LHFPL2: variants seen among roughly 807,000 people sequenced by gnomAD.
The protein encoded by LHFPL2 is LHFPL tetraspan subfamily member 2, also known as LHFPL tetraspan subfamily member 2 protein.
Under a neutral mutation model 17.5 loss-of-function variants are expected in LHFPL2, and 7 were observed. The ratio of observed to expected loss-of-function variants is 0.40; its 90% CI spans 0.23 to 0.75. The LOEUF (loss-of-function observed/expected upper bound fraction) is 0.75. Ranked by LOEUF, LHFPL2 falls within the 30% of genes least tolerant of loss-of-function variation. The probability of loss-of-function intolerance (pLI) is 0.37; values close to 1 mark genes in which losing one functional copy is unlikely to be tolerated. For missense variants in LHFPL2, 241 were observed against 294.8 expected, an observed-to-expected ratio of 0.82 and a Z score of 1.34; for synonymous variants, 134 against 116.2, an observed-to-expected ratio of 1.15 and a Z score of -0.99.
At chr5:78,607,805 G>A (rs537610342) in intron 2 of LHFPL2, among the ~76,000 whole-genome samples, 21 of 152,282 alleles carry the variant, frequency 1.4e-4, no homozygotes, top group African/African-American at 2.9e-4. Flanking sequence ...CCCCTAAGCC[G>A]AAGGTACCTA....
At chr5:78,613,879 A>G (rs569745799) in intron 2 of LHFPL2, among the ~76,000 whole-genome samples, 1 of 152,180 alleles carries the variant, frequency 6.6e-6, no homozygotes, top group Non-Finnish European at 1.5e-5. Flanking sequence ...GGGGGTTAAT[A>G]TCTCCAACAA....
chr5:78,642,449 T>A (rs569059484), intron 1 of LHFPL2, among the ~76,000 whole-genome samples: 20 of 152,140 alleles, frequency 1.3e-4, no homozygotes, highest in African/African-American at 4.3e-4. Context: ...CAAAATAACA[T>A]CAGTACAAGC....
At chr5:78,617,025 CTT>C (rs564354550) in intron 2 of LHFPL2, among the ~76,000 whole-genome samples, 1 of 149,200 alleles carries the variant, frequency 6.7e-6, no homozygotes, top group Non-Finnish European at 1.5e-5. Flanking sequence ...TAGAGTTTCT[CTT>C]TTTTTTTTCT....
chr5:78,489,479 C>T (rs1461377840), intron 4 of LHFPL2, among the ~76,000 whole-genome samples: 1 of 152,158 alleles, frequency 6.6e-6, no homozygotes, highest in East Asian at 1.9e-4. Flanking sequence ...AGTTGTAGCT[C>T]ACTGCACTTG....
At chr5:78,600,393 C>T (rs1011396407) in intron 2 of LHFPL2, among the ~76,000 whole-genome samples, 1 of 151,912 alleles carries the variant, frequency 6.6e-6, no homozygotes, top group African/African-American at 2.4e-5. Flanking sequence ...GCTCAAAAGA[C>T]AATTCCTCCA....
rs761350562 is a variant in LHFPL2 at position 78,630,759 on chromosome 5, C to A, written c.-245+1505G>T. Among the ~76,000 whole-genome samples the A allele has an allele frequency of 1.1e-3, 166 of 152,274 alleles. 1 individual carries two copies. Among genetic ancestry groups the A allele is most frequent in the Non-Finnish European group, 2.1e-3 (140 of 68,032 alleles). On this transcript the variant is annotated intron_variant, in intron 2 of 4. Coordinates refer to ENST00000380345, the MANE Select transcript of LHFPL2 (RefSeq NM_005779.3). ...TTCTTTTGCTTTAGTGCTGCAAACA[C>A]CCAGGATGGCAACTGGAAGGCTGAA...
chr5:78,541,327 G>C (rs1756106611), intron 3 of LHFPL2, among the ~76,000 whole-genome samples: 1 of 152,148 alleles, frequency 6.6e-6, no homozygotes, highest in Admixed American at 6.5e-5. Context: ...CAGCAAAATA[G>C]GAACTCACTG....
intron 3 of LHFPL2, among the ~76,000 whole-genome samples, chr5:78,528,162 T>G: frequency 6.6e-6 from 1 of 152,182 alleles, no homozygotes; most frequent in East Asian, 1.9e-4. Context: ...TGCTATGGGC[T>G]TCCAAGTTCT....
intron 1 of LHFPL2, among the ~76,000 whole-genome samples, chr5:78,641,680 A>G (rs1041320894): frequency 2.6e-5 from 4 of 152,196 alleles, no homozygotes; most frequent in African/African-American, 9.7e-5. Flanking sequence ...GAAAAATCCA[A>G]ATACACTGAG....
At chr5:78,620,184 T>G (rs1243288374) in intron 2 of LHFPL2, among the ~76,000 whole-genome samples, 1 of 132,384 alleles carries the variant, frequency 7.6e-6, no homozygotes, top group East Asian at 2.2e-4. Context: ...CCTGACTTTT[T>G]AATGATTGCC....
In LHFPL2 at chr5:78,507,347, G is replaced by T. The variant is rs542885702; in HGVS notation, c.430+2437C>A. Among the ~76,000 whole-genome samples, 5 of 150,676 alleles carry T rather than the reference G, an allele frequency of 3.3e-5. No homozygotes were observed. The South Asian group carries it at 1.1e-3, about 32-fold the overall frequency. On this transcript the variant is annotated intron_variant, in intron 4 of 4. Transcript: ENST00000380345. The stretch of plus-strand genomic sequence containing the variant: ...TCTGTCTTAAAAAAAAAAAAGAAAA[G>T]AAAAAGAAAAAGAAAACTCACTGGA...
chr5:78,506,221 T>A (rs2112314611), intron 4 of LHFPL2, among the ~76,000 whole-genome samples: 1 of 152,360 alleles, frequency 6.6e-6, no homozygotes, highest in East Asian at 1.9e-4. Flanking sequence ...TATGCTGTGT[T>A]TTTTTATAGA....
intron 3 of LHFPL2, among the ~76,000 whole-genome samples, chr5:78,552,410 G>A (rs544005152): frequency 6.6e-6 from 1 of 152,346 alleles, no homozygotes; most frequent in South Asian, 2.1e-4. Context: ...TGGGATTGCA[G>A]GCGTGAGCCA....
chr5:78,588,467 A>G (rs2112456627), intron 2 of LHFPL2, among the ~76,000 whole-genome samples: 1 of 152,366 alleles, frequency 6.6e-6, no homozygotes, highest in Non-Finnish European at 1.5e-5. Context: ...ATATTGATTT[A>G]GTAACCTTGG....
At chr5:78,618,093 A>T (rs1019388940) in intron 2 of LHFPL2, among the ~76,000 whole-genome samples, 20 of 152,188 alleles carry the variant, frequency 1.3e-4, no homozygotes, top group Non-Finnish European at 2.6e-4. Flanking sequence ...AATTCCAGCT[A>T]CTTGGGAGGC....
chr5:78,494,381 G>A, intron 4 of LHFPL2: 1 of 985,360 alleles, frequency 1.0e-6, no homozygotes, highest in Non-Finnish European at 1.2e-6. Context: ...GGCTCAACTT[G>A]ACAGAATGGT....
chr5:78,521,457 G>A (rs1475940617), intron 3 of LHFPL2, among the ~76,000 whole-genome samples: 1 of 152,202 alleles, frequency 6.6e-6, no homozygotes, highest in Non-Finnish European at 1.5e-5. Context: ...TTAAGCTACT[G>A]AGATGACATT....
At position 78,509,962 on chromosome 5, in the gene LHFPL2, G is replaced by A. The variant is rs1313048926; in HGVS notation, c.252C>T (p.Pro84=). The A allele has an allele frequency of 1.9e-6, 3 of 1,613,740 alleles. No homozygotes were observed. In the African/African-American group the frequency reaches 4.0e-5, roughly 22 times the overall value. ...QHFQRDTLCG[P]YAESFGEIAS... The stretch of plus-strand genomic sequence containing the variant: ...CGATCTCGCCGAAGCTCTCGGCGTA[G>A]GGCCCGCACAGCGTGTCCCGCTGGA... The change falls in exon 4 of 5, where the codon CCC becomes CCT. Residue 84 remains proline, a synonymous_variant. Coordinates refer to ENST00000380345, the MANE Select transcript of LHFPL2 (RefSeq NM_005779.3).
chr5:78,570,958 T>C lies in LHFPL2; in HGVS notation c.-244-6087A>G, dbSNP rs116120656. ...AGCTTTAAGTAATAACAGACCAATGTTTCTGAAAAGCAGATGCCAAGATTA... is the reference window on the plus strand; with the variant it reads ...AGCTTTAAGTAATAACAGACCAATGCTTCTGAAAAGCAGATGCCAAGATTA... On this transcript the variant is annotated intron_variant, in intron 2 of 4. Coordinates refer to ENST00000380345, the MANE Select transcript of LHFPL2 (RefSeq NM_005779.3). Among the ~76,000 whole-genome samples, 468 of 152,190 alleles carry C rather than the reference T, an allele frequency of 3.1e-3. 4 individuals are homozygous for C. Among genetic ancestry groups the C allele is most frequent in the African/African-American group, 0.011 (455 of 41,516 alleles).
Sources: allele counts gnomAD v4.1 joint callset (sites outside exome capture counted in the v4.1 genomes callset), GRCh38; gene constraint gnomAD v4.1.1; transcripts MANE v1.5; gene names NCBI Gene and HGNC (gene_info 2026-07-23, HGNC 2026-07-21).